THSD7B: variants seen among roughly 807,000 people sequenced by gnomAD.
The protein encoded by THSD7B is thrombospondin type-1 domain-containing protein 7B.
In THSD7B, 138 loss-of-function variants were observed where a neutral mutation model predicts 213.6. The observed-to-expected ratio is 0.65, with a 90% CI of 0.56 to 0.74. THSD7B has a LOEUF of 0.74. Ranked by LOEUF, THSD7B falls within the 30% of genes least tolerant of loss-of-function variation. The probability of loss-of-function intolerance (pLI) is 0.00; values close to 1 mark genes in which losing one functional copy is unlikely to be tolerated. For missense variants in THSD7B, 1,931 were observed against 1,991.5 expected, an observed-to-expected ratio of 0.97 and a Z score of 0.58; for synonymous variants, 742 against 687.0, an observed-to-expected ratio of 1.08 and a Z score of -1.25.
chr2:137,416,656 A>G (rs1049492664), intron 14 of THSD7B, among the ~76,000 whole-genome samples: 1 of 152,200 alleles, frequency 6.6e-6, no homozygotes, highest in African/African-American at 2.4e-5. Flanking sequence ...GTCAACACAC[A>G]TATGCCCATA....
chr2:137,024,729 A>G (rs1182456573), intron 2 of THSD7B, among the ~76,000 whole-genome samples: 1 of 152,138 alleles, frequency 6.6e-6, no homozygotes, highest in Non-Finnish European at 1.5e-5. Context: ...TCCCACACAT[A>G]GTCAACTTAA....
chr2:137,592,278 A>AT (rs1466565983), intron 17 of THSD7B, among the ~76,000 whole-genome samples: 1 of 151,734 alleles, frequency 6.6e-6, no homozygotes, highest in Admixed American at 6.6e-5. Context: ...TCTCCCTCAA[A>AT]TTTTTTGTAT....
At chr2:137,443,984 A>G (rs1217076259) in intron 14 of THSD7B, among the ~76,000 whole-genome samples, 2 of 152,068 alleles carry the variant, frequency 1.3e-5, no homozygotes, top group Non-Finnish European at 2.9e-5. Flanking sequence ...CATTAGCATC[A>G]TTTATAATAT....
chr2:137,245,966 A>C (rs891764778), intron 10 of THSD7B, among the ~76,000 whole-genome samples: 3 of 152,196 alleles, frequency 2.0e-5, no homozygotes, highest in African/African-American at 7.2e-5. Flanking sequence ...ATAAGTTCCC[A>C]GGTGATACAT....
intron 7 of THSD7B, among the ~76,000 whole-genome samples, chr2:137,201,588 A>G (rs1344120030): frequency 6.6e-6 from 1 of 152,198 alleles, no homozygotes; most frequent in Non-Finnish European, 1.5e-5. Flanking sequence ...TATAATCATT[A>G]TTTGTCAATT....
At position 137,411,596 on chromosome 2, in the gene THSD7B, C is replaced by G; in HGVS notation, c.2696-13C>G. On this transcript the variant is annotated splice_polypyrimidine_tract_variant and intron_variant, in intron 13 of 27. Transcript: ENST00000409968. Reference sequence around the variant, plus strand: ...ATAAGCATTTAATATCTTAATGTCTCTTGTTGGAACAGGGAAAAGCAGAAA... The same window carrying G: ...ATAAGCATTTAATATCTTAATGTCTGTTGTTGGAACAGGGAAAAGCAGAAA... The G allele has an allele frequency of 6.2e-7, 1 of 1,602,134 alleles. No homozygotes were observed. The highest frequency in any genetic ancestry group is 8.5e-7 in the Non-Finnish European group (1 of 1,172,886).
intron 1 of THSD7B, among the ~76,000 whole-genome samples, chr2:136,822,547 T>C (rs1558816432): frequency 6.6e-6 from 1 of 152,200 alleles, no homozygotes; most frequent in East Asian, 1.9e-4. Context: ...ATTTTACAGA[T>C]GAAGGAAGGA....
chr2:136,978,698 C>G (rs1480537405), intron 2 of THSD7B, among the ~76,000 whole-genome samples: 1 of 152,106 alleles, frequency 6.6e-6, no homozygotes, highest in East Asian at 1.9e-4. Context: ...TGAGGTGGGT[C>G]TCTTGAATAT....
chr2:137,204,930 A>G (rs1017887079), intron 7 of THSD7B, among the ~76,000 whole-genome samples: 1 of 152,110 alleles, frequency 6.6e-6, no homozygotes, highest in African/African-American at 2.4e-5. Flanking sequence ...TCAGTAATGC[A>G]TGGACAAAAT....
intron 2 of THSD7B, among the ~76,000 whole-genome samples, chr2:137,006,179 G>A (rs1019119266): frequency 6.6e-6 from 1 of 152,116 alleles, no homozygotes; most frequent in Non-Finnish European, 1.5e-5. Context: ...AGATCACGAG[G>A]TCAGGAGATT....
intron 1 of THSD7B, among the ~76,000 whole-genome samples, chr2:136,825,718 A>ATTTTCTTTT (rs1682634976): frequency 8.6e-6 from 1 of 116,896 alleles, no homozygotes; most frequent in African/African-American, 3.3e-5. Context: ...TGCCTGGCTA[A>ATTTTCTTTT]TTTTTTTTTT....
At chr2:137,462,892 G>GA (rs1465474905) in intron 15 of THSD7B, among the ~76,000 whole-genome samples, 6 of 151,868 alleles carry the variant, frequency 4.0e-5, no homozygotes, top group Non-Finnish European at 8.8e-5. Context: ...AATAAGGAAA[G>GA]AAAAAAATTG....
intron 9 of THSD7B, among the ~76,000 whole-genome samples, chr2:137,237,504 A>T (rs1681792639): frequency 6.6e-6 from 1 of 152,196 alleles, no homozygotes; most frequent in South Asian, 2.1e-4. Flanking sequence ...TAAATATGGG[A>T]TTTTTAAGGC....
intron 20 of THSD7B, among the ~76,000 whole-genome samples, chr2:137,634,998 C>T (rs917213543): frequency 3.9e-5 from 6 of 151,988 alleles, no homozygotes; most frequent in Admixed American, 1.3e-4. Flanking sequence ...CCATTCAATC[C>T]TTTTTGTTTC....
At chr2:137,582,014 T>A (rs1681591258) in intron 17 of THSD7B, among the ~76,000 whole-genome samples, 1 of 151,724 alleles carries the variant, frequency 6.6e-6, no homozygotes, top group African/African-American at 2.4e-5. Flanking sequence ...GAGGATTGCT[T>A]GAGCCTGGGA....
At chr2:137,393,838 T>C (rs1375568597) in intron 12 of THSD7B, among the ~76,000 whole-genome samples, 1 of 141,618 alleles carries the variant, frequency 7.1e-6, no homozygotes, top group Non-Finnish European at 1.6e-5. Flanking sequence ...TCCTGACTTT[T>C]TAATGTTTGC....
intron 2 of THSD7B, among the ~76,000 whole-genome samples, chr2:137,024,409 G>A (rs1023956214): frequency 6.6e-6 from 1 of 152,154 alleles, no homozygotes; most frequent in Non-Finnish European, 1.5e-5. Context: ...AGTATCATTA[G>A]CAAGGCTGCT....
chr2:137,312,882 T>A (rs1419550066), intron 12 of THSD7B, among the ~76,000 whole-genome samples: 2 of 151,564 alleles, frequency 1.3e-5, no homozygotes, highest in African/African-American at 4.9e-5. Flanking sequence ...TAGTTTGTTA[T>A]AATTTCTGTT....
chr2:137,023,266 A>G (rs900575313), intron 2 of THSD7B, among the ~76,000 whole-genome samples: 1 of 152,020 alleles, frequency 6.6e-6, no homozygotes, highest in Non-Finnish European at 1.5e-5. Context: ...TCATCTGGAG[A>G]GTCATGTTGG....
Sources: allele counts gnomAD v4.1 joint callset (sites outside exome capture counted in the v4.1 genomes callset), GRCh38; gene constraint gnomAD v4.1.1; transcripts MANE v1.5; gene names NCBI Gene and HGNC (gene_info 2026-07-23, HGNC 2026-07-21).